The following EXOC6B variants were observed in gnomAD, a reference collection of about 807,000 sequenced individuals.
EXOC6B encodes SEC15 homolog B.
In EXOC6B, 54 loss-of-function variants were observed where a neutral mutation model predicts 113.5. The observed-to-expected ratio is 0.48, with a 90% CI of 0.38 to 0.60. The LOEUF (loss-of-function observed/expected upper bound fraction) is 0.60. Ranked by LOEUF, EXOC6B falls within the 20% of genes least tolerant of loss-of-function variation. The pLI is 0.00. For missense variants in EXOC6B, 797 were observed against 977.5 expected, an observed-to-expected ratio of 0.82 and a Z score of 2.46; for synonymous variants, 357 against 339.0, an observed-to-expected ratio of 1.05 and a Z score of -0.58.
chr2:72,801,300 T>A (rs1685257716), intron 1 of EXOC6B, among the ~76,000 whole-genome samples: 1 of 152,200 alleles, frequency 6.6e-6, no homozygotes, highest in South Asian at 2.1e-4. Flanking sequence ...AATATTTTAG[T>A]ACTTGCAAAT....
At chr2:72,585,471 C>T (rs1705501101) in intron 6 of EXOC6B, among the ~76,000 whole-genome samples, 1 of 151,968 alleles carries the variant, frequency 6.6e-6, no homozygotes. Context: ...GTGGCACACA[C>T]CTGTAGTTCT....
intron 6 of EXOC6B, among the ~76,000 whole-genome samples, chr2:72,582,876 T>G (rs753572216): frequency 6.6e-6 from 1 of 152,144 alleles, no homozygotes; most frequent in Non-Finnish European, 1.5e-5. Flanking sequence ...TGATCTCTTC[T>G]TTAACAAATA....
rs535498013 is a variant in EXOC6B, at chr2:72,773,303, C to T, written c.114-31834G>A. On this transcript the variant is annotated intron_variant, in intron 1 of 21. Transcript: ENST00000272427. Reference sequence around the variant, plus strand: ...CACCATGCCCAGCTAATTTTTTTCACATTTGTTGTAAAGATGGGATTTCAC... The same window carrying T: ...CACCATGCCCAGCTAATTTTTTTCATATTTGTTGTAAAGATGGGATTTCAC... Among the ~76,000 whole-genome samples, 3 of 150,920 alleles carry T rather than the reference C, an allele frequency of 2.0e-5. No individual in the cohort carries two copies. In the South Asian group the frequency reaches 6.3e-4, roughly 31 times the overall value.
chr2:72,337,912 T>A (rs1688782270), intron 19 of EXOC6B, among the ~76,000 whole-genome samples: 1 of 152,176 alleles, frequency 6.6e-6, no homozygotes, highest in Non-Finnish European at 1.5e-5. Context: ...ATATTGTGTT[T>A]TAGTTAAATA....
intron 1 of EXOC6B, among the ~76,000 whole-genome samples, chr2:72,746,669 G>A (rs937605658): frequency 1.1e-4 from 17 of 151,940 alleles, no homozygotes; most frequent in African/African-American, 4.1e-4. Context: ...AAAGAAGGAG[G>A]AAAAATAATG....
At chr2:72,486,429 G>A (rs1295875422) in intron 16 of EXOC6B, among the ~76,000 whole-genome samples, 1 of 151,682 alleles carries the variant, frequency 6.6e-6, no homozygotes, top group East Asian at 1.9e-4. Context: ...TTTAATTCAT[G>A]TACACTAGTC....
chr2:72,614,927 A>G (rs1331746854), intron 6 of EXOC6B, among the ~76,000 whole-genome samples: 3 of 152,132 alleles, frequency 2.0e-5, no homozygotes, highest in East Asian at 1.9e-4. Flanking sequence ...CAGGAGTCTT[A>G]TAAGAAATTC....
intron 1 of EXOC6B, among the ~76,000 whole-genome samples, chr2:72,816,739 A>C (rs1346036742): frequency 6.6e-6 from 1 of 152,254 alleles, no homozygotes; most frequent in East Asian, 1.9e-4. Context: ...CTTGAAATTT[A>C]ATACAGGAAT....
intron 6 of EXOC6B, among the ~76,000 whole-genome samples, chr2:72,663,809 T>A (rs889623486): frequency 6.6e-6 from 1 of 152,172 alleles, no homozygotes; most frequent in Non-Finnish European, 1.5e-5. Context: ...AACTATAGAA[T>A]ATACAATGCA....
intron 1 of EXOC6B, among the ~76,000 whole-genome samples, chr2:72,777,384 T>C (rs1683769641): frequency 6.6e-6 from 1 of 152,186 alleles, no homozygotes; most frequent in Non-Finnish European, 1.5e-5. Context: ...AGATAACATA[T>C]TTAAAATGTT....
intron 15 of EXOC6B, among the ~76,000 whole-genome samples, chr2:72,493,019 C>G (rs1435603436): frequency 6.6e-6 from 1 of 152,008 alleles, no homozygotes; most frequent in Non-Finnish European, 1.5e-5. Context: ...TTTAATCTAC[C>G]ATTTGAAAAT....
intron 20 of EXOC6B, among the ~76,000 whole-genome samples, chr2:72,320,363 C>A (rs879433307): frequency 6.6e-6 from 1 of 151,852 alleles, no homozygotes; most frequent in Non-Finnish European, 1.5e-5. Context: ...CAAGACATAG[C>A]AAAAGGACAG....
At chr2:72,468,971 A>G (rs1698228015) in intron 17 of EXOC6B, among the ~76,000 whole-genome samples, 1 of 152,148 alleles carries the variant, frequency 6.6e-6, no homozygotes, top group South Asian at 2.1e-4. Context: ...TTAGGTTTAA[A>G]GAAAACTTAA....
At chr2:72,534,892 T>C (rs73943196) in intron 8 of EXOC6B, among the ~76,000 whole-genome samples, 17 of 152,290 alleles carry the variant, frequency 1.1e-4, no homozygotes, top group African/African-American at 4.1e-4. Flanking sequence ...CAAGTGTAGC[T>C]TTTGGTTTCT....
chr2:72,405,232 T>A (rs1693649038), intron 18 of EXOC6B, among the ~76,000 whole-genome samples: 2 of 152,246 alleles, frequency 1.3e-5, no homozygotes, highest in Admixed American at 1.3e-4. Context: ...CTGATTGGTG[T>A]ACTTGAAAGT....
rs1394937077 is a variant in EXOC6B, at chr2:72,263,560, A to G, written c.2196+71387T>C. The G allele has an allele frequency of 2.0e-5, 3 of 152,238 alleles. No homozygotes were observed. The East Asian group carries it at 5.8e-4, about 29-fold the overall frequency. 9.4% of individuals were successfully genotyped at this position (152,238 alleles called of 1,614,324 possible). A position where few individuals can be genotyped will look rare whatever the true frequency, so the allele number is the denominator to read the frequency against. On this transcript the variant is annotated intron_variant, in intron 20 of 21. Transcript: ENST00000272427. Reference sequence around the variant, plus strand: ...TAACAAATAGAAACTAAATCTATGAATGCTGAATCCACTGAGAAATCCAAA... The same window carrying G: ...TAACAAATAGAAACTAAATCTATGAGTGCTGAATCCACTGAGAAATCCAAA...
intron 1 of EXOC6B, among the ~76,000 whole-genome samples, chr2:72,769,085 A>T (rs1419530979): frequency 6.6e-6 from 1 of 152,180 alleles, no homozygotes; most frequent in Admixed American, 6.5e-5. Context: ...CTGTACACTT[A>T]AAAATGGTTA....
chr2:72,370,232 A>G (rs1038195040), intron 19 of EXOC6B, among the ~76,000 whole-genome samples: 1 of 152,270 alleles, frequency 6.6e-6, no homozygotes, highest in Admixed American at 6.5e-5. Flanking sequence ...AAAAGAAGAC[A>G]TTGATGCAGC....
intron 18 of EXOC6B, among the ~76,000 whole-genome samples, chr2:72,429,786 AAAG>A: frequency 6.6e-6 from 1 of 152,220 alleles, no homozygotes; most frequent in African/African-American, 2.4e-5. Context: ...CCCCCACAAC[AAAG>A]AATTATCCAT....
Sources: gnomAD v4.1 joint callset for allele counts (sites outside exome capture counted in the v4.1 genomes callset) on GRCh38, gnomAD v4.1.1 for gene constraint, MANE v1.5 for transcripts, NCBI Gene and HGNC (gene_info 2026-07-23, HGNC 2026-07-21) for gene names.